Variants in IFT74 observed in about 807,000 individuals in gnomAD.
IFT74 encodes intraflagellar transport 74, also known as intraflagellar transport protein 74 homolog.
In IFT74, 92 loss-of-function variants were observed where a neutral mutation model predicts 96.7. The observed-to-expected ratio is 0.95, with a 90% CI of 0.80 to 1.13. The LOEUF (loss-of-function observed/expected upper bound fraction) is 1.13. Among genes scored for constraint, IFT74 ranks in the 50% most tolerant of loss-of-function variants. The pLI is 0.00. For missense variants in IFT74, 811 were observed against 698.2 expected (o/e 1.16, Z -1.82); for synonymous variants, 223 against 213.2 (o/e 1.05, Z -0.40).
intron 13 of IFT74, among the ~76,000 whole-genome samples, chr9:27,032,408 T>A (rs906214608): frequency 2.0e-5 from 3 of 152,206 alleles, no homozygotes; most frequent in Non-Finnish European, 4.4e-5. Flanking sequence ...TTATAAGCCT[T>A]AATTACCTAG....
chr9:26,987,612 T>A (rs1391072488), intron 6 of IFT74, among the ~76,000 whole-genome samples: 8 of 152,226 alleles, frequency 5.3e-5, no homozygotes, highest in Non-Finnish European at 1.0e-4. Flanking sequence ...ATTTATATCA[T>A]AAATGAAAAA....
In IFT74 at chr9:26,948,448, A is replaced by ATTATTTTTTTTTT. The variant is rs1825819541; in HGVS notation, c.-20+1304_-20+1305insATTTTTTTTTTTT. On this transcript the variant is annotated intron_variant, in intron 1 of 19. Coordinates refer to the IFT74 transcript ENST00000433700. ...TGACAACCTGTGATGGCTTTCCATT[A>ATTATTTTTTTTTT]TTTTTTTTTTTTTTTTTTTTTTTTT... Among the ~76,000 whole-genome samples, 161 of 59,168 alleles carry ATTATTTTTTTTTT rather than the reference A, an allele frequency of 2.7e-3. 11 individuals carry two copies. Among genetic ancestry groups the ATTATTTTTTTTTT allele is most frequent in the Non-Finnish European group, 4.2e-3 (110 of 26,086 alleles). 38.8% of individuals were successfully genotyped at this position (59,168 alleles called of 152,430 possible).
At chr9:27,025,293 A>C (rs903526698) in intron 12 of IFT74, among the ~76,000 whole-genome samples, 38 of 151,846 alleles carry the variant, frequency 2.5e-4, no homozygotes, top group African/African-American at 9.0e-4. Flanking sequence ...AAATACAAAA[A>C]TCCGCTGGGC....
At chr9:26,949,944 T>C (rs908760352) in intron 1 of IFT74, among the ~76,000 whole-genome samples, 3 of 152,202 alleles carry the variant, frequency 2.0e-5, no homozygotes. Flanking sequence ...ATGTTATCTG[T>C]AGGAGTACTT....
intron 13 of IFT74, chr9:27,036,580 CA>C (rs1313005005): frequency 3.2e-6 from 5 of 1,585,682 alleles, no homozygotes; most frequent in Non-Finnish European, 4.3e-6. Context: ...TATAGCCTCC[CA>C]TTGTTTCACA....
intron 12 of IFT74, 46 bp from the exon 13 acceptor site, chr9:27,028,979 A>C: frequency 1.3e-6 from 2 of 1,484,708 alleles, no homozygotes; most frequent in Non-Finnish European, 1.8e-6. Flanking sequence ...GTTTTTATTG[A>C]ATGTCTATAT....
chr9:27,003,215 T>A (rs982735624), intron 8 of IFT74, among the ~76,000 whole-genome samples: 10 of 152,226 alleles, frequency 6.6e-5, no homozygotes, highest in Non-Finnish European at 7.4e-5. Context: ...GTTTTTTTTT[T>A]AATTTTTTAA....
At chr9:27,055,354 TG>T (rs2131702236) in intron 16 of IFT74, among the ~76,000 whole-genome samples, 1 of 152,258 alleles carries the variant, frequency 6.6e-6, no homozygotes, top group South Asian at 2.1e-4. Context: ...CTTAAATGTT[TG>T]TTAGCATGGA....
intron 13 of IFT74, among the ~76,000 whole-genome samples, chr9:27,043,286 G>A (rs898149164): frequency 6.6e-6 from 1 of 152,202 alleles, no homozygotes; most frequent in African/African-American, 2.4e-5. Flanking sequence ...CATCAGGGTT[G>A]TCGTCAATGA....
At chr9:26,980,731 A>G (rs1827338613) in intron 4 of IFT74, 112 bp downstream of exon 4, 1 of 629,306 alleles carries the variant, frequency 1.6e-6, no homozygotes, top group Non-Finnish European at 2.8e-6. Flanking sequence ...ACTTATTAGG[A>G]TAATTAGGTA....
intron 8 of IFT74, chr9:26,995,469 C>G (rs1828095047): frequency 9.1e-7 from 1 of 1,094,186 alleles, no homozygotes; most frequent in Non-Finnish European, 1.3e-6. Flanking sequence ...ATCTCCATAT[C>G]TAAACTGAGT....
chr9:26,995,399 A>C, intron 8 of IFT74: 2 of 623,154 alleles, frequency 3.2e-6, no homozygotes, highest in Non-Finnish European at 5.6e-6. Context: ...TATGATATTC[A>C]TGTATGTTGT....
chr9:26,991,621 G>A (rs1277579028), intron 8 of IFT74, among the ~76,000 whole-genome samples: 1 of 151,492 alleles, frequency 6.6e-6, no homozygotes, highest in Admixed American at 6.6e-5. Flanking sequence ...TGGTAACCAC[G>A]CTCTTACTTG....
intron 8 of IFT74, among the ~76,000 whole-genome samples, chr9:27,002,011 C>CT (rs1459621891): frequency 1.3e-5 from 2 of 151,474 alleles, no homozygotes; most frequent in Non-Finnish European, 2.9e-5. Flanking sequence ...GGATGCACGT[C>CT]TGGGGGGTCC....
At position 26,978,117 on chromosome 9, in the gene IFT74, T is replaced by C. The variant is rs1387559520; in HGVS notation, c.121-11T>C. ...TGGTTTACTAAAAATGAAATCTTGT[T>C]TGTCATTTAGATGCCACCTGGGACA... On this transcript the variant is annotated splice_polypyrimidine_tract_variant and intron_variant, in intron 2 of 19. Coordinates refer to ENST00000380062, the MANE Select transcript of IFT74 (RefSeq NM_025103.4). The C allele has an allele frequency of 1.9e-6, 3 of 1,560,120 alleles. No homozygotes were observed. Among genetic ancestry groups the C allele is most frequent in the Non-Finnish European group, 1.7e-6 (2 of 1,160,676 alleles).
rs146276366 is a variant in IFT74, at chr9:27,005,296, T to C, written c.588-3724T>C. ...AGTGTCACTTCAGAATGCTCTGTGATTAACATATTTTAAAATAAAAATTCT... is the reference window on the plus strand; with the variant it reads ...AGTGTCACTTCAGAATGCTCTGTGACTAACATATTTTAAAATAAAAATTCT... On this transcript the variant is annotated intron_variant, in intron 8 of 19. Transcript: ENST00000380062. 1.4e-4 allele frequency among the ~76,000 whole-genome samples: 21 copies of C among 149,408 alleles called. No homozygotes were observed. In the East Asian group the frequency reaches 3.8e-3, roughly 27 times the overall value.
chr9:27,008,324 A>G (rs1197777032), intron 8 of IFT74, among the ~76,000 whole-genome samples: 1 of 152,160 alleles, frequency 6.6e-6, no homozygotes, highest in Non-Finnish European at 1.5e-5. Flanking sequence ...ACTTATGGCT[A>G]AAGGATGCTT....
chr9:27,005,809 T>A (rs898200592), intron 8 of IFT74: 13 of 152,010 alleles, frequency 8.6e-5, no homozygotes, highest in African/African-American at 3.1e-4. Flanking sequence ...GTATAACAAG[T>A]AAGGCTGTTT....
chr9:27,054,723 A>G (rs1436488970), intron 16 of IFT74, among the ~76,000 whole-genome samples: 1 of 152,218 alleles, frequency 6.6e-6, no homozygotes, highest in Non-Finnish European at 1.5e-5. Flanking sequence ...TGACATGCAC[A>G]TTGCCAACAG....
Sources: allele counts gnomAD v4.1 joint callset (sites outside exome capture counted in the v4.1 genomes callset), GRCh38; gene constraint gnomAD v4.1.1; transcripts MANE v1.5; gene names NCBI Gene and HGNC (gene_info 2026-07-23, HGNC 2026-07-21).